The following PKHD1L1 variants were observed in gnomAD, a reference collection of about 807,000 sequenced individuals.
PKHD1L1 encodes fibrocystin-L.
A neutral mutation model predicts 462.9 loss-of-function variants in PKHD1L1; 434 were observed. That is an observed-to-expected ratio of 0.94 (90% CI 0.87 to 1.02). The LOEUF is 1.02. PKHD1L1 is among the 50% of genes least tolerant of loss of function. The pLI is 0.00. For missense variants in PKHD1L1, 5,202 were observed against 5,096.1 expected, an observed-to-expected ratio of 1.02 and a Z score of -0.63; for synonymous variants, 1,781 against 1,750.0, an observed-to-expected ratio of 1.02 and a Z score of -0.44.
intron 50 of PKHD1L1, among the ~76,000 whole-genome samples, chr8:109,467,804 T>C (rs1057447964): frequency 1.3e-5 from 2 of 152,172 alleles, no homozygotes; most frequent in African/African-American, 2.4e-5. Flanking sequence ...TCATCAAATA[T>C]GGTTTTTTAC....
At chr8:109,507,593 G>A (rs1819753336) in intron 68 of PKHD1L1, 70 bp from the exon 69 acceptor site, 2 of 1,333,414 alleles carry the variant, frequency 1.5e-6, no homozygotes, top group Non-Finnish European at 2.1e-6. Context: ...TATCCTCTAA[G>A]TAAATATTCA....
intron 24 of PKHD1L1, among the ~76,000 whole-genome samples, chr8:109,426,612 C>T (rs1814762720): frequency 6.6e-6 from 1 of 152,052 alleles, no homozygotes; most frequent in Non-Finnish European, 1.5e-5. Flanking sequence ...GTACACATTT[C>T]ATGTGCTTTA....
At chr8:109,399,933 G>A (rs2130533304) in intron 12 of PKHD1L1, 143 bp from the exon 13 acceptor site, 2 of 829,968 alleles carry the variant, frequency 2.4e-6, no homozygotes, top group East Asian at 2.7e-5. Context: ...ATACGTGTAG[G>A]GGAATGTGTA....
chr8:109,480,271 C>T, intron 55 of PKHD1L1, 132 bp downstream of exon 55: 1 of 942,074 alleles, frequency 1.1e-6, no homozygotes, highest in Admixed American at 3.1e-5. Flanking sequence ...CCATTAAATG[C>T]AAGTCTCAGT....
At chr8:109,367,186 C>T (rs1811275543) in intron 2 of PKHD1L1, among the ~76,000 whole-genome samples, 1 of 152,070 alleles carries the variant, frequency 6.6e-6, no homozygotes. Flanking sequence ...AATGAATTTG[C>T]AAAACACACC....
intron 2 of PKHD1L1, among the ~76,000 whole-genome samples, chr8:109,374,797 A>C (rs1441107764): frequency 6.6e-6 from 1 of 152,138 alleles, no homozygotes; most frequent in Non-Finnish European, 1.5e-5. Flanking sequence ...TGGGTTGAAA[A>C]TTCTTTTCTT....
At chr8:109,374,810 A>G (rs1224427420) in intron 2 of PKHD1L1, among the ~76,000 whole-genome samples, 1 of 152,132 alleles carries the variant, frequency 6.6e-6, no homozygotes, top group Non-Finnish European at 1.5e-5. Flanking sequence ...CTTTTCTTTA[A>G]GAATGTTGAA....
At chr8:109,515,402 A>G (rs1205785692) in intron 72 of PKHD1L1, 97 bp downstream of exon 72, 8 of 939,158 alleles carry the variant, frequency 8.5e-6, no homozygotes, top group Non-Finnish European at 1.1e-5. Context: ...CTTATCTATC[A>G]ATGATGGAGA....
At chr8:109,423,551 A>G (rs1262388725) in intron 23 of PKHD1L1, among the ~76,000 whole-genome samples, 1 of 152,182 alleles carries the variant, frequency 6.6e-6, no homozygotes, top group Non-Finnish European at 1.5e-5. Flanking sequence ...AACATTGAGT[A>G]GAGTGATTCT....
chr8:109,419,581 T>C (rs1442429522), intron 22 of PKHD1L1, among the ~76,000 whole-genome samples: 5 of 152,158 alleles, frequency 3.3e-5, no homozygotes, highest in African/African-American at 9.7e-5. Context: ...CCAACTACCA[T>C]GAGAGAGATC....
chr8:109,399,539 G>A (rs759720710), intron 12 of PKHD1L1, among the ~76,000 whole-genome samples: 3 of 152,082 alleles, frequency 2.0e-5, no homozygotes, highest in Non-Finnish European at 4.4e-5. Flanking sequence ...CCAAGAAGGA[G>A]AAGAAATCCT....
At chr8:109,367,395 T>C (rs1421919379) in intron 2 of PKHD1L1, among the ~76,000 whole-genome samples, 1 of 152,270 alleles carries the variant, frequency 6.6e-6, no homozygotes, top group Non-Finnish European at 1.5e-5. Flanking sequence ...TGAAATGTTT[T>C]ATTTTTGTAA....
At chr8:109,406,763 T>G (rs890681273) in intron 17 of PKHD1L1, among the ~76,000 whole-genome samples, 3 of 152,078 alleles carry the variant, frequency 2.0e-5, no homozygotes, top group Admixed American at 1.3e-4. Context: ...AAAATAAAAT[T>G]TAGGCAAATC....
At chr8:109,510,711 C>T in intron 70 of PKHD1L1, 66 bp from the exon 71 acceptor site, 2 of 1,498,634 alleles carry the variant, frequency 1.3e-6, no homozygotes, top group Non-Finnish European at 8.9e-7. Flanking sequence ...TACAATTACT[C>T]TTCAGATTTT....
At chr8:109,379,985 C>T (rs1173344670) in intron 2 of PKHD1L1, among the ~76,000 whole-genome samples, 1 of 152,174 alleles carries the variant, frequency 6.6e-6, no homozygotes, top group Non-Finnish European at 1.5e-5. Flanking sequence ...CAGCAACCAC[C>T]ACCTAACAAG....
chr8:109,464,579 G>A lies in PKHD1L1; in HGVS notation c.7747G>A (p.Gly2583Ser). ...HNAVAGGTHF[G>S]FWYRMNNHPD... ...TGCTGTTGCTGGTGGCACTCACTTT[G>A]GCTTTTGGTACCGGATGAACAACCA... is the stretch of plus-strand genomic sequence containing the variant. The change falls in exon 49 of 78, where the codon GGC (glycine) becomes AGC (serine). Residue 2583 changes from glycine (G) to serine (S), a missense_variant. By Grantham distance (56) the Gly-to-Ser change is moderately conservative. Transcript: ENST00000378402. 6.2e-7 allele frequency: 1 copy of A among 1,613,164 alleles called. No individual in the cohort carries two copies. Among genetic ancestry groups the A allele is most frequent in the Non-Finnish European group, 8.5e-7 (1 of 1,179,772 alleles).
intron 35 of PKHD1L1, 114 bp downstream of exon 35, chr8:109,442,309 G>A (rs1378796423): frequency 1.1e-4 from 114 of 1,033,892 alleles, no homozygotes; most frequent in African/African-American, 1.6e-4. Flanking sequence ...ACACAAATGC[G>A]TAAGGTATTT....
chr8:109,403,520 T>G (rs1813378010), intron 14 of PKHD1L1, among the ~76,000 whole-genome samples: 1 of 152,176 alleles, frequency 6.6e-6, no homozygotes, highest in African/African-American at 2.4e-5. Flanking sequence ...ACAAAGAAAG[T>G]GCCCAATTAA....
chr8:109,408,718 C>T (rs1477486669), intron 18 of PKHD1L1, among the ~76,000 whole-genome samples: 1 of 151,938 alleles, frequency 6.6e-6, no homozygotes, highest in African/African-American at 2.4e-5. Context: ...AAGACTTTAC[C>T]CAACAAAAAG....
Sources: gnomAD v4.1 joint callset for allele counts (sites outside exome capture counted in the v4.1 genomes callset) on GRCh38, gnomAD v4.1.1 for gene constraint, MANE v1.5 for transcripts, NCBI Gene and HGNC (gene_info 2026-07-23, HGNC 2026-07-21) for gene names.